The following SMG5 variants were observed in gnomAD, a reference collection of about 807,000 sequenced individuals.
SMG5 encodes SMG5 nonsense mediated mRNA decay factor.
Under a neutral mutation model 122.9 loss-of-function variants are expected in SMG5, and 53 were observed. The ratio of observed to expected loss-of-function variants is 0.43; its 90% CI spans 0.35 to 0.54. The LOEUF is 0.54. SMG5 is among the 20% of genes least tolerant of loss of function. SMG5 has a pLI of 0.01. For synonymous variants in SMG5, 477 were observed against 490.2 expected (o/e 0.97, Z 0.35); for missense variants, 1,153 against 1,285.6 (o/e 0.90, Z 1.58).
At chr1:156,290,020 C>G in the SMG5 span, 1 of 152,170 alleles carries the variant, frequency 6.6e-6, no homozygotes, top group Admixed American at 6.5e-5. Flanking sequence ...TTGGACCAGT[C>G]TTACTTAACC....
At chr1:156,253,844 G>C (rs1661462867) in intron 16 of SMG5, 1 of 356,040 alleles carries the variant, frequency 2.8e-6, no homozygotes, top group African/African-American at 2.1e-5. Context: ...TCCCTTCCCA[G>C]GAGATCCTAC....
chr1:156,263,268 A>T, intron 13 of SMG5, 127 bp downstream of exon 13: 1 of 1,051,654 alleles, frequency 9.5e-7, no homozygotes. Context: ...CAGCACAGAT[A>T]GGTGATTAAT....
intron 16 of SMG5, among the ~76,000 whole-genome samples, chr1:156,256,310 CTTT>C (rs533116327): frequency 0.29 from 25,217 of 85,918 alleles, 2,438 homozygotes; most frequent in Admixed American, 0.41. Context: ...CATCTTCTCT[CTTT>C]TTTTTTTTTT....
chr1:156,273,697 CTTCTTTTTTTGTTTTGTT>C (rs1225519027), intron 5 of SMG5, among the ~76,000 whole-genome samples: 31 of 144,600 alleles, frequency 2.1e-4, no homozygotes, highest in Non-Finnish European at 4.4e-4. Flanking sequence ...TAAATAAGCT[CTTCTTTTTTTGTTTTGTT>C]TTCTTTTTTT....
rs1463718170 is a variant in SMG5, at chr1:156,266,559, A to T, written c.1237T>A (p.Phe413Ile). The change falls in exon 11 of 22, where the codon TTC becomes ATC. Residue 413 changes from phenylalanine to isoleucine, a missense_variant. By Grantham distance (21) the Phe-to-Ile change is conservative (BLOSUM62 0). Around this residue, in one of 5 missense-constraint regions of SMG5, gnomAD observed 631 missense variants for 650.6 expected, o/e 0.97. Transcript: ENST00000361813. ...LEEGENPVPA[F>I]QSDGTDEPES... ...CTCCCACCTGTGCCATCACTCTGGAATGCCGGGACGGGATTCTCGCCCTCT... is the reference window on the plus strand; with the variant it reads ...CTCCCACCTGTGCCATCACTCTGGATTGCCGGGACGGGATTCTCGCCCTCT... The T allele has an allele frequency of 1.2e-6, 2 of 1,614,050 alleles. No homozygotes were observed. The highest frequency in any genetic ancestry group is 2.7e-5 in the African/African-American group (2 of 74,908).
chr1:156,251,220 A>G, intron 20 of SMG5, 183 bp downstream of exon 20: 2 of 911,378 alleles, frequency 2.2e-6, no homozygotes, highest in Non-Finnish European at 3.5e-6. Context: ...ACCCATCTGC[A>G]GAGGAAAAGC....
At chr1:156,289,561 G>A in the SMG5 span, among the ~76,000 whole-genome samples, 3 of 152,170 alleles carry the variant, frequency 2.0e-5, no homozygotes, top group Non-Finnish European at 2.9e-5. Context: ...GCAGTGAGCC[G>A]AGATTGGGCC....
rs768493463 is a variant in SMG5 at position 156,251,444 on chromosome 1, G to A, written c.2787C>T (p.Ser929=). 38 of 1,614,074 alleles carry A rather than the reference G, an allele frequency of 2.4e-5. No homozygotes were observed. The highest frequency in any genetic ancestry group is 3.2e-5 in the Non-Finnish European group (38 of 1,180,054). Residue 929 remains serine (S), a synonymous_variant, in exon 20 of 22, where the codon AGC becomes AGT. Transcript: ENST00000361813. ...YIRCQKEVGK[S]FERHKLKRQD... is the part of the protein sequence containing the mutation. Reference sequence around the variant, plus strand: ...GCCTCTTCAGCTTATGCCGCTCAAAGCTCTTTCCCACCTCTTTCTGGCAGC... The same window carrying A: ...GCCTCTTCAGCTTATGCCGCTCAAAACTCTTTCCCACCTCTTTCTGGCAGC...
chr1:156,275,735 T>TA (rs397862621), intron 4 of SMG5, among the ~76,000 whole-genome samples: 5 of 151,910 alleles, frequency 3.3e-5, no homozygotes, highest in Non-Finnish European at 5.9e-5. Flanking sequence ...ATCTTTTTTT[T>TA]AAAGCTGTGG....
At chr1:156,285,471 C>A (rs764681705), upstream of SMG5, 1 of 1,614,106 alleles carries the variant, frequency 6.2e-7, no homozygotes, top group Admixed American at 1.7e-5. Flanking sequence ...GGGACTGGCC[C>A]TCAGCCCAGT....
intron 12 of SMG5, among the ~76,000 whole-genome samples, chr1:156,265,574 C>T (rs144382389): frequency 1.3e-5 from 2 of 152,130 alleles, no homozygotes; most frequent in East Asian, 1.9e-4. Flanking sequence ...GAAATAAAAC[C>T]AACAAATGGG....
chr1:156,280,835 C>A (rs1486036598), intron 1 of SMG5, among the ~76,000 whole-genome samples: 1 of 152,162 alleles, frequency 6.6e-6, no homozygotes, highest in Non-Finnish European at 1.5e-5. Context: ...AAAATCTAGC[C>A]GTGTGTTTCA....
chr1:156,260,518 G>T lies in SMG5; in HGVS notation c.2216C>A (p.Pro739Gln). ...AAAGCGTCTGTGGGCAGCTCGGAGC[G>T]GGGGCAGGTTACGAAGAGCCATGTC... ...PEDMALRNLP[P>Q]LRAAHRRFNF... The change falls in exon 15 of 22, where the codon CCG becomes CAG. Residue 739 changes from proline (P) to glutamine (Q), a missense_variant. Coordinates refer to ENST00000361813, the MANE Select transcript of SMG5 (RefSeq NM_015327.3). 2 of 1,588,080 alleles carry T rather than the reference G, an allele frequency of 1.3e-6. No homozygotes were observed. The highest frequency in any genetic ancestry group is 1.7e-6 in the Non-Finnish European group (2 of 1,170,820).
At chr1:156,285,983 G>C (rs1026273664), upstream of SMG5, 29 of 1,598,510 alleles carry the variant, frequency 1.8e-5, no homozygotes, top group Non-Finnish European at 2.3e-5. Flanking sequence ...CATTGTGCTG[G>C]GTGAGCCTGT....
chr1:156,268,274 C>T lies in SMG5; in HGVS notation c.839+16G>A. ...AACTGCAGAAAAAACCCGTCCTCCTCACAGGCCCCACTCACCGCTTTTTGC... is the reference window on the plus strand; with the variant it reads ...AACTGCAGAAAAAACCCGTCCTCCTTACAGGCCCCACTCACCGCTTTTTGC... On this transcript the variant is annotated intron_variant, in intron 8 of 21. Transcript: ENST00000361813. 6.2e-7 allele frequency: 1 copy of T among 1,614,154 alleles called. No homozygotes were observed. The highest frequency in any genetic ancestry group is 8.5e-7 in the Non-Finnish European group (1 of 1,180,002).
rs1383285406 is a variant in SMG5, at chr1:156,251,412, G to A, written c.2819C>T (p.Ala940Val). 1.2e-6 allele frequency: 2 copies of A among 1,614,044 alleles called. No homozygotes were observed. The highest frequency in any genetic ancestry group is 2.7e-5 in the African/African-American group (2 of 74,924). ...AGGGCTAAAATGTTACCAGGCATCT[G>A]CATCCTGCCTCTTCAGCTTATGCCG... is the stretch of plus-strand genomic sequence containing the variant. ...FERHKLKRQD[A>V]DAWTLYKILD... The change falls in exon 20 of 22, where the codon GCA (alanine) becomes GTA (valine). Residue 940 changes from alanine to valine, a missense_variant. This residue lies in a region of SMG5 where 140 missense variants were observed against 227.8 expected (regional missense o/e 0.61). Coordinates refer to ENST00000361813, the MANE Select transcript of SMG5 (RefSeq NM_015327.3).
In SMG5 at chr1:156,266,526, C is replaced by T; in HGVS notation, c.1255+15G>A. ...ACCAACCTTTCCATAGTGATGACCT[C>T]CCCGATTCTCCCACCTGTGCCATCA... On this transcript the variant is annotated intron_variant, in intron 11 of 21. Coordinates refer to ENST00000361813, the MANE Select transcript of SMG5 (RefSeq NM_015327.3). The T allele has an allele frequency of 1.2e-6, 2 of 1,614,136 alleles. No homozygotes were observed. Among genetic ancestry groups the T allele is most frequent in the Non-Finnish European group, 8.5e-7 (1 of 1,180,026 alleles).
chr1:156,275,883 T>C (rs796264609), intron 4 of SMG5, among the ~76,000 whole-genome samples: 2 of 150,822 alleles, frequency 1.3e-5, no homozygotes, highest in African/African-American at 4.9e-5. Flanking sequence ...GATGAAATCA[T>C]GGCTCACTGC....
chr1:156,270,257 G>A (rs571301426), intron 7 of SMG5, among the ~76,000 whole-genome samples: 33 of 152,298 alleles, frequency 2.2e-4, no homozygotes, highest in Middle Eastern at 3.4e-3. Flanking sequence ...GCTGCGGGAG[G>A]AAGGGCTATG....
Sources: gnomAD v4.1 joint callset for allele counts (sites outside exome capture counted in the v4.1 genomes callset) on GRCh38, gnomAD v4.1.1 for gene constraint, gnomAD v4.1.1 regional missense constraint, MANE v1.5 for transcripts, NCBI Gene and HGNC (gene_info 2026-07-23, HGNC 2026-07-21) for gene names.